HHAT: variants seen among roughly 807,000 people sequenced by gnomAD.
HHAT encodes the protein hedgehog acyltransferase, also known as protein-cysteine N-palmitoyltransferase HHAT.
A neutral mutation model predicts 70.8 loss-of-function variants in HHAT; 47 were observed. That is an observed-to-expected ratio of 0.66 (90% CI 0.53 to 0.85). The LOEUF (loss-of-function observed/expected upper bound fraction) is 0.85. Ranked by LOEUF, HHAT falls within the 40% of genes least tolerant of loss-of-function variation. The probability of loss-of-function intolerance (pLI) is 0.00; values close to 1 mark genes in which losing one functional copy is unlikely to be tolerated. For missense variants in HHAT, 609 were observed against 604.8 expected (o/e 1.01, Z -0.07); for synonymous variants, 228 against 247.6 (o/e 0.92, Z 0.74).
intron 9 of HHAT, among the ~76,000 whole-genome samples, chr1:210,558,399 T>G (rs1215842234): frequency 1.3e-4 from 20 of 152,210 alleles, no homozygotes. Context: ...TGCTTCTTTC[T>G]CTTGTTACTT....
chr1:210,525,359 A>T (rs1263063523), intron 9 of HHAT, among the ~76,000 whole-genome samples: 1 of 152,174 alleles, frequency 6.6e-6, no homozygotes, highest in East Asian at 1.9e-4. Flanking sequence ...TCCCCATCAC[A>T]GTCATGTCAA....
At chr1:210,610,297 G>C (rs759042181) in intron 10 of HHAT, among the ~76,000 whole-genome samples, 1 of 152,136 alleles carries the variant, frequency 6.6e-6, no homozygotes, top group African/African-American at 2.4e-5. Context: ...TTAAAAATAT[G>C]TTGGCCACAT....
chr1:210,637,177 C>A (rs1672025133), intron 11 of HHAT, among the ~76,000 whole-genome samples: 1 of 152,110 alleles, frequency 6.6e-6, no homozygotes. Context: ...CCACATGGCC[C>A]CATTTTTCTT....
chr1:210,441,818 A>G (rs2093516089), intron 7 of HHAT, among the ~76,000 whole-genome samples: 1 of 152,038 alleles, frequency 6.6e-6, no homozygotes, highest in Admixed American at 6.6e-5. Context: ...GTATATGTAT[A>G]TATATGTACA....
intron 11 of HHAT, among the ~76,000 whole-genome samples, chr1:210,632,122 G>C (rs1161650028): frequency 6.6e-6 from 1 of 152,158 alleles, no homozygotes; most frequent in Non-Finnish European, 1.5e-5. Context: ...TCTCTCTAAG[G>C]GGAAGCTACT....
rs765617712 is a variant in HHAT, at chr1:210,623,670, G to C, written c.1390G>C (p.Gly464Arg). 6.2e-7 allele frequency: 1 copy of C among 1,613,454 alleles called. No homozygotes were observed. The highest frequency in any genetic ancestry group is 8.5e-7 in the Non-Finnish European group (1 of 1,179,720). The change falls in exon 11 of 12, where the codon GGC (glycine) becomes CGC (arginine). Residue 464 changes from glycine (G) to arginine (R), a missense_variant and splice_region_variant. Coordinates refer to ENST00000261458, the MANE Select transcript of HHAT (RefSeq NM_018194.6). ...KTYWNRIFIQ[G>R]WPWVTLSVLG... The stretch of plus-strand genomic sequence containing the variant: ...CTACTGGAATAGGATCTTCATACAA[G>C]GTAAGTTGCTTGACAGTGCTGTTTT...
At chr1:210,380,597 T>A (rs10863824) in intron 3 of HHAT, among the ~76,000 whole-genome samples, 60,368 of 151,930 alleles carry the variant, frequency 0.4, 12,218 homozygotes, top group Admixed American at 0.48. Flanking sequence ...AGTTGCTTTG[T>A]TACAGGTAAC....
At chr1:210,334,127 T>C (rs1363730115) in intron 1 of HHAT, among the ~76,000 whole-genome samples, 1 of 151,310 alleles carries the variant, frequency 6.6e-6, no homozygotes, top group East Asian at 1.9e-4. Flanking sequence ...CATACAACCC[T>C]ACTTAGTGGT....
chr1:210,572,774 C>T (rs957660391), intron 9 of HHAT, among the ~76,000 whole-genome samples: 7 of 151,944 alleles, frequency 4.6e-5, no homozygotes, highest in Admixed American at 1.3e-4. Context: ...TGTGTACTCG[C>T]GGTCCCAGCT....
intron 1 of HHAT, among the ~76,000 whole-genome samples, chr1:210,340,123 C>T (rs931763746): frequency 3.3e-5 from 5 of 151,260 alleles, no homozygotes; most frequent in African/African-American, 9.7e-5. Flanking sequence ...GAGGATCACT[C>T]GAGGCCAGGA....
At chr1:210,554,727 G>A (rs567456388) in intron 9 of HHAT, among the ~76,000 whole-genome samples, 4 of 152,256 alleles carry the variant, frequency 2.6e-5, no homozygotes, top group Admixed American at 6.5e-5. Context: ...GGATTTATGT[G>A]GCACCATCTA....
intron 7 of HHAT, chr1:210,439,653 T>C (rs2093460410): frequency 1.3e-5 from 2 of 151,986 alleles, no homozygotes; most frequent in Admixed American, 1.3e-4. Context: ...ATGCTGGGGC[T>C]CATTTCTAGA....
At chr1:210,670,422 G>A (rs1188702459) in intron 11 of HHAT, among the ~76,000 whole-genome samples, 2 of 152,256 alleles carry the variant, frequency 1.3e-5, no homozygotes, top group African/African-American at 4.8e-5. Flanking sequence ...TGGAAGAGGT[G>A]TGGTGTTGAC....
intron 6 of HHAT, among the ~76,000 whole-genome samples, chr1:210,407,622 A>T (rs1378922219): frequency 6.6e-6 from 1 of 152,202 alleles, no homozygotes; most frequent in Non-Finnish European, 1.5e-5. Flanking sequence ...CGAACAGGTA[A>T]AAATTTGCCT....
At chr1:210,424,384 ATTTG>A (rs560161928) in intron 7 of HHAT, among the ~76,000 whole-genome samples, 195 of 151,186 alleles carry the variant, frequency 1.3e-3, no homozygotes, top group African/African-American at 4.5e-3. Flanking sequence ...ACTTTACTGG[ATTTG>A]TTTATCAATT....
chr1:210,493,033 A>T (rs1476040235), intron 8 of HHAT, among the ~76,000 whole-genome samples: 4 of 152,220 alleles, frequency 2.6e-5, no homozygotes, highest in Non-Finnish European at 5.9e-5. Flanking sequence ...AGTTTACAAA[A>T]TATCAGCAGT....
At chr1:210,383,616 C>T (rs2090822887) in intron 3 of HHAT, among the ~76,000 whole-genome samples, 1 of 151,992 alleles carries the variant, frequency 6.6e-6, no homozygotes, top group Admixed American at 6.6e-5. Flanking sequence ...CAAGAGTGAA[C>T]CCGAATATAA....
chr1:210,429,525 C>A (rs1217823765), intron 7 of HHAT, among the ~76,000 whole-genome samples: 1 of 151,844 alleles, frequency 6.6e-6, no homozygotes, highest in Non-Finnish European at 1.5e-5. Context: ...ATTTGTTCTT[C>A]TATCCCATCT....
chr1:210,630,023 A>G (rs970326560), intron 11 of HHAT, among the ~76,000 whole-genome samples: 1 of 151,842 alleles, frequency 6.6e-6, no homozygotes, highest in Non-Finnish European at 1.5e-5. Flanking sequence ...TTGTATATTT[A>G]GTAGAGACGG....
Sources: allele counts gnomAD v4.1 joint callset (sites outside exome capture counted in the v4.1 genomes callset), GRCh38; gene constraint gnomAD v4.1.1; transcripts MANE v1.5; gene names NCBI Gene and HGNC (gene_info 2026-07-23, HGNC 2026-07-21).